Variants in CTNNA2 observed in about 807,000 individuals in gnomAD.
CTNNA2 encodes catenin alpha-2.
Under a neutral mutation model 101.0 loss-of-function variants are expected in CTNNA2, and 42 were observed. That is an observed-to-expected ratio of 0.42 (90% confidence interval 0.32 to 0.54). The LOEUF (loss-of-function observed/expected upper bound fraction) is 0.54. CTNNA2 is among the 20% of genes least tolerant of loss of function. The probability of loss-of-function intolerance (pLI) is 0.14; values close to 1 mark genes in which losing one functional copy is unlikely to be tolerated. For synonymous variants in CTNNA2, 450 were observed against 456.4 expected (o/e 0.99, Z 0.18); for missense variants, 871 against 1,223.1 (o/e 0.71, Z 4.29).
intron 7 of CTNNA2, among the ~76,000 whole-genome samples, chr2:80,312,187 A>G (rs1677653313): frequency 6.6e-6 from 1 of 152,236 alleles, no homozygotes; most frequent in Admixed American, 6.5e-5. Flanking sequence ...CGCAGATGGA[A>G]CAATGGCCAG....
At chr2:79,331,802 G>A (rs767810452) in intron 3 of CTNNA2, among the ~76,000 whole-genome samples, 83 of 151,932 alleles carry the variant, frequency 5.5e-4, no homozygotes, top group Non-Finnish European at 1.0e-3. Flanking sequence ...TTATCAAAAG[G>A]ATTCAGCAAA....
At chr2:80,067,249 G>A (rs891192033) in intron 7 of CTNNA2, among the ~76,000 whole-genome samples, 3 of 152,044 alleles carry the variant, frequency 2.0e-5, no homozygotes, top group African/African-American at 7.2e-5. Context: ...AAAATGAAAA[G>A]TATGTGATAT....
chr2:80,277,547 A>T (rs1454852887), intron 7 of CTNNA2, among the ~76,000 whole-genome samples: 1 of 98,854 alleles, frequency 1.0e-5, no homozygotes, highest in Non-Finnish European at 2.0e-5. Flanking sequence ...TCAGGGAAGG[A>T]TTTCTGAAAA....
At chr2:80,637,807 G>A (rs1038668263) in intron 18 of CTNNA2, among the ~76,000 whole-genome samples, 24 of 152,180 alleles carry the variant, frequency 1.6e-4, no homozygotes, top group African/African-American at 5.8e-4. Flanking sequence ...AATTTTCCAG[G>A]CATAGTACTC....
At chr2:80,009,335 A>T (rs943305168) in intron 7 of CTNNA2, among the ~76,000 whole-genome samples, 2 of 152,154 alleles carry the variant, frequency 1.3e-5, no homozygotes, top group African/African-American at 4.8e-5. Context: ...TTTAAAGCAT[A>T]GCTTTCCAAA....
At chr2:79,650,677 G>C (rs1681173496) in intron 1 of CTNNA2, among the ~76,000 whole-genome samples, 1 of 149,042 alleles carries the variant, frequency 6.7e-6, no homozygotes, top group South Asian at 2.1e-4. Flanking sequence ...GGGTACATGT[G>C]CACATTGTGC....
intron 7 of CTNNA2, among the ~76,000 whole-genome samples, chr2:79,947,096 T>A (rs1285975920): frequency 6.6e-6 from 1 of 152,244 alleles, no homozygotes; most frequent in Admixed American, 6.5e-5. Flanking sequence ...AGTACTGCCT[T>A]GTTACACTTT....
intron 3 of CTNNA2, among the ~76,000 whole-genome samples, chr2:79,831,700 A>G (rs1678939595): frequency 6.6e-6 from 1 of 151,342 alleles, no homozygotes. Flanking sequence ...TCATTTTTGT[A>G]GATGGATTCT....
intron 4 of CTNNA2, among the ~76,000 whole-genome samples, chr2:79,467,150 A>C (rs1214727996): frequency 6.6e-6 from 1 of 152,220 alleles, no homozygotes; most frequent in Non-Finnish European, 1.5e-5. Context: ...ATGAATGGCT[A>C]ACTAGAATAA....
chr2:80,309,690 T>C (rs575526055), intron 7 of CTNNA2, among the ~76,000 whole-genome samples: 2 of 138,506 alleles, frequency 1.4e-5, no homozygotes, highest in Non-Finnish European at 3.1e-5. Context: ...TGTGTTTCTC[T>C]ATTTACATTT....
chr2:80,089,205 G>T (rs1269535586), intron 7 of CTNNA2, among the ~76,000 whole-genome samples: 1 of 151,990 alleles, frequency 6.6e-6, no homozygotes, highest in Non-Finnish European at 1.5e-5. Flanking sequence ...ATCTCACAGT[G>T]TGTGCCAGTT....
rs531598653 is a variant in CTNNA2 at position 80,417,146 on chromosome 2, T to A, written c.1138-2303T>A. Among the ~76,000 whole-genome samples, 185 of 151,952 alleles carry A rather than the reference T, an allele frequency of 1.2e-3. 3 individuals carry two copies. The highest frequency in any genetic ancestry group is 4.3e-3 in the African/African-American group (180 of 41,512). On this transcript the variant is annotated intron_variant, in intron 8 of 18. Coordinates refer to ENST00000402739, the MANE Select transcript of CTNNA2 (RefSeq NM_001282597.3). Reference sequence around the variant, plus strand: ...GGTTATTTGTTTAATTTTAAATTTTTAATTTTTCATTAACATATATATGTT... The same window carrying A: ...GGTTATTTGTTTAATTTTAAATTTTAAATTTTTCATTAACATATATATGTT...
intron 3 of CTNNA2, among the ~76,000 whole-genome samples, chr2:79,851,735 T>A (rs1680725760): frequency 8.0e-6 from 1 of 125,742 alleles, no homozygotes; most frequent in South Asian, 2.4e-4. Flanking sequence ...TTTTTTCTTT[T>A]CCTTTTTTTT....
chr2:80,124,489 A>G (rs1397693548), intron 7 of CTNNA2, among the ~76,000 whole-genome samples: 1 of 152,168 alleles, frequency 6.6e-6, no homozygotes, highest in Non-Finnish European at 1.5e-5. Flanking sequence ...TTCGCAACCA[A>G]ATATAACTTC....
chr2:79,246,842 C>G (rs1399382667), intron 2 of CTNNA2, among the ~76,000 whole-genome samples: 4 of 152,234 alleles, frequency 2.6e-5, no homozygotes, highest in Admixed American at 6.5e-5. Context: ...TAATTTCTGA[C>G]TATTCAAGCT....
At chr2:80,518,202 A>C (rs1689251904) in intron 9 of CTNNA2, among the ~76,000 whole-genome samples, 1 of 152,230 alleles carries the variant, frequency 6.6e-6, no homozygotes, top group East Asian at 1.9e-4. Flanking sequence ...TAAGTAAATG[A>C]TGAAATATTA....
At chr2:79,275,318 G>A (rs1675184084) in intron 2 of CTNNA2, among the ~76,000 whole-genome samples, 1 of 152,008 alleles carries the variant, frequency 6.6e-6, no homozygotes, top group Non-Finnish European at 1.5e-5. Context: ...TCTAGATGGG[G>A]TGGACTGATA....
intron 9 of CTNNA2, among the ~76,000 whole-genome samples, chr2:80,538,631 TGTA>T (rs1295193466): frequency 1.3e-5 from 2 of 152,236 alleles, no homozygotes; most frequent in Non-Finnish European, 2.9e-5. Context: ...ACTGTAACCT[TGTA>T]GTACAGTTTG....
At chr2:79,804,072 G>A (rs1323686247) in intron 3 of CTNNA2, among the ~76,000 whole-genome samples, 1 of 152,144 alleles carries the variant, frequency 6.6e-6, no homozygotes, top group Non-Finnish European at 1.5e-5. Context: ...TCAGAAAGTT[G>A]TTTTTAAAAA....
Sources: allele counts gnomAD v4.1 joint callset (sites outside exome capture counted in the v4.1 genomes callset), GRCh38; gene constraint gnomAD v4.1.1; transcripts MANE v1.5; gene names NCBI Gene and HGNC (gene_info 2026-07-23, HGNC 2026-07-21).